Variants in ST18 observed in about 807,000 individuals in gnomAD.
The protein encoded by ST18 is ST18 C2H2C-type zinc finger transcription factor, also known as suppression of tumorigenicity 18 protein.
A neutral mutation model predicts 110.0 loss-of-function variants in ST18; 50 were observed. The observed-to-expected ratio is 0.45, with a 90% CI of 0.36 to 0.58. The LOEUF is 0.58. Ranked by LOEUF, ST18 falls within the 20% of genes least tolerant of loss-of-function variation. The pLI is 0.00. For missense variants in ST18, 1,306 were observed against 1,280.1 expected, an observed-to-expected ratio of 1.02 and a Z score of -0.31; for synonymous variants, 461 against 452.4, an observed-to-expected ratio of 1.02 and a Z score of -0.24.
Position 52,282,948 on chromosome 8 carries a change from G to T in ST18, c.-464-52871C>A, listed in dbSNP as rs114416325. Among the ~76,000 whole-genome samples, 572 of 152,258 alleles carry T rather than the reference G, an allele frequency of 3.8e-3. 2 individuals are homozygous for T. Among genetic ancestry groups the T allele is most frequent in the African/African-American group, 0.012 (494 of 41,540 alleles). ...ATATGTGATGTGCGCTTTTAAAGAGGTACTCTGGCTACTGTGCCACGAAGG... is the reference window on the plus strand; with the variant it reads ...ATATGTGATGTGCGCTTTTAAAGAGTTACTCTGGCTACTGTGCCACGAAGG... On this transcript the variant is annotated intron_variant, in intron 2 of 25. Transcript: ENST00000689386.
chr8:52,175,982 G>C (rs973967603), intron 9 of ST18, among the ~76,000 whole-genome samples: 6 of 152,036 alleles, frequency 3.9e-5, no homozygotes, highest in African/African-American at 1.4e-4. Flanking sequence ...ATATTTTCAA[G>C]AGTGAATTTA....
chr8:52,322,130 T>C (rs938360858), intron 2 of ST18, among the ~76,000 whole-genome samples: 2 of 152,348 alleles, frequency 1.3e-5, no homozygotes, highest in Admixed American at 6.5e-5. Context: ...TAGGGTTCTT[T>C]GAAATTTTTG....
At chr8:52,268,502 TC>T (rs2094954083) in intron 2 of ST18, among the ~76,000 whole-genome samples, 1 of 149,484 alleles carries the variant, frequency 6.7e-6, no homozygotes, top group East Asian at 1.9e-4. Flanking sequence ...TATCTATCTA[TC>T]TATCTATTTA....
chr8:52,319,289 T>C (rs1175332419), intron 2 of ST18, among the ~76,000 whole-genome samples: 1 of 152,216 alleles, frequency 6.6e-6, no homozygotes, highest in Non-Finnish European at 1.5e-5. Flanking sequence ...TCTCTGTGTA[T>C]ATATGTACAT....
intron 23 of ST18, chr8:52,125,819 C>T: frequency 2.0e-6 from 1 of 499,160 alleles, no homozygotes; most frequent in East Asian, 3.3e-5. Flanking sequence ...TCCATCATAC[C>T]CCACTGCCTG....
At chr8:52,364,088 G>GA (rs1488948833) in intron 2 of ST18, among the ~76,000 whole-genome samples, 2 of 152,196 alleles carry the variant, frequency 1.3e-5, no homozygotes, top group Admixed American at 6.5e-5. Context: ...TCAACCACAT[G>GA]AAACCATTTT....
intron 2 of ST18, among the ~76,000 whole-genome samples, chr8:52,364,979 C>T (rs970680345): frequency 2.6e-4 from 39 of 151,928 alleles, no homozygotes; most frequent in African/African-American, 8.0e-4. Flanking sequence ...GGCATGGTTG[C>T]GGGGGGTGCC....
At chr8:52,282,312 T>G (rs936034548) in intron 2 of ST18, among the ~76,000 whole-genome samples, 8 of 152,232 alleles carry the variant, frequency 5.3e-5, no homozygotes, top group Non-Finnish European at 5.9e-5. Flanking sequence ...CATCTAATAA[T>G]GTACCAAAAA....
intron 2 of ST18, among the ~76,000 whole-genome samples, chr8:52,306,059 A>G (rs964808007): frequency 2.0e-5 from 3 of 152,238 alleles, no homozygotes; most frequent in Non-Finnish European, 4.4e-5. Context: ...ACTCGGCCAC[A>G]TTGGCCTGGC....
intron 2 of ST18, among the ~76,000 whole-genome samples, chr8:52,255,621 C>G (rs1339891686): frequency 6.6e-6 from 1 of 152,108 alleles, no homozygotes; most frequent in Admixed American, 6.6e-5. Context: ...ATTTTTAAAA[C>G]TTCAAGTCTA....
intron 2 of ST18, among the ~76,000 whole-genome samples, chr8:52,241,877 C>T (rs1041461541): frequency 1.1e-4 from 16 of 152,032 alleles, no homozygotes; most frequent in Non-Finnish European, 2.4e-4. Context: ...ACTCTTCCTT[C>T]CTTTTTTTTT....
At chr8:52,120,775 A>G (rs574148268) in intron 23 of ST18, among the ~76,000 whole-genome samples, 2 of 152,312 alleles carry the variant, frequency 1.3e-5, no homozygotes, top group South Asian at 4.1e-4. Context: ...ATTGGAGAAG[A>G]GACAGAGCAG....
At chr8:52,213,347 A>G (rs2082899585) in intron 7 of ST18, among the ~76,000 whole-genome samples, 1 of 151,150 alleles carries the variant, frequency 6.6e-6, no homozygotes, top group African/African-American at 2.4e-5. Flanking sequence ...TAACGAAAGC[A>G]TTCCATTTGA....
At chr8:52,246,539 T>G (rs762481136) in intron 2 of ST18, 1 of 152,182 alleles carries the variant, frequency 6.6e-6, no homozygotes, top group Non-Finnish European at 1.5e-5. Context: ...AATAAGCCAA[T>G]TTAATCACAT....
rs997951810 is a variant in ST18, at chr8:52,158,727, C to T, written c.1806+171G>A. 2.0e-5 allele frequency among the ~76,000 whole-genome samples: 3 copies of T among 152,232 alleles called. 1 individual carries two copies. Among genetic ancestry groups the T allele is most frequent in the African/African-American group, 7.2e-5 (3 of 41,462 alleles). The stretch of plus-strand genomic sequence containing the variant: ...GCACACTTTCATCCTTCTTTGACCC[C>T]ACCAAGCTCATCCCTGCCTGCGTTC... On this transcript the variant is annotated intron_variant, in intron 15 of 25. Transcript: ENST00000689386.
At chr8:52,313,651 C>T (rs1004342956) in intron 2 of ST18, among the ~76,000 whole-genome samples, 1 of 152,186 alleles carries the variant, frequency 6.6e-6, no homozygotes, top group African/African-American at 2.4e-5. Context: ...AGTGCAGCCA[C>T]CCTTGCCTGA....
At chr8:52,161,590 T>C (rs1160932592) in intron 13 of ST18, 22 bp from the exon 14 acceptor site, 2 of 1,611,034 alleles carry the variant, frequency 1.2e-6, no homozygotes, top group Admixed American at 1.7e-5. Flanking sequence ...GGTGAAGCAG[T>C]TCAAAAGAAA....
At chr8:52,334,042 C>T (rs754527475) in intron 2 of ST18, among the ~76,000 whole-genome samples, 3 of 152,160 alleles carry the variant, frequency 2.0e-5, no homozygotes, top group Non-Finnish European at 4.4e-5. Context: ...CTCTCTCAGA[C>T]GAGGTGATAA....
chr8:52,332,800 G>A lies in ST18; in HGVS notation c.-465+76528C>T, dbSNP rs111339136. ...TGGGAGGCAGAGGTTGCAGTGAGCC[G>A]AGATTGTGCCACTGCATTCCAGCCT... On this transcript the variant is annotated intron_variant, in intron 2 of 25. Transcript: ENST00000689386. Among the ~76,000 whole-genome samples the A allele has an allele frequency of 6.9e-3, 1,044 of 152,112 alleles. 10 individuals are homozygous for A. The highest frequency in any genetic ancestry group is 0.024 in the African/African-American group (992 of 41,490).
Sources: allele counts gnomAD v4.1 joint callset (sites outside exome capture counted in the v4.1 genomes callset), GRCh38; gene constraint gnomAD v4.1.1; transcripts MANE v1.5; gene names NCBI Gene and HGNC (gene_info 2026-07-23, HGNC 2026-07-21).